Variants in ANKS1B observed in about 807,000 individuals in gnomAD.
ANKS1B encodes the protein ankyrin repeat and sterile alpha motif domain-containing protein 1B.
In ANKS1B, 36 loss-of-function variants were observed where a neutral mutation model predicts 148.3. That is an observed-to-expected ratio of 0.24 (90% CI 0.19 to 0.32). The LOEUF is 0.32. ANKS1B is among the 10% of genes least tolerant of loss of function. ANKS1B has a pLI of 1.00. For missense variants in ANKS1B, 1,157 were observed against 1,542.6 expected (o/e 0.75, Z 4.19); for synonymous variants, 542 against 560.8 (o/e 0.97, Z 0.47).
rs150091239 is a variant in ANKS1B, at chr12:99,641,646, C to T, written c.1272+13421G>A. Among the ~76,000 whole-genome samples, 65 of 152,122 alleles carry T rather than the reference C, an allele frequency of 4.3e-4. 1 individual carries two copies. The highest frequency in any genetic ancestry group is 1.4e-3 in the African/African-American group (60 of 41,518). On this transcript the variant is annotated intron_variant, in intron 9 of 26. Transcript: ENST00000683438. ...TTTTCAATTTGGACAATAATAAATA[C>T]GTTTAGCAGCTCATCCACTCCGTAA...
intron 14 of ANKS1B, among the ~76,000 whole-genome samples, chr12:99,190,711 T>C (rs2080551057): frequency 6.6e-6 from 1 of 152,106 alleles, no homozygotes; most frequent in Admixed American, 6.5e-5. Context: ...GATTAAAAAC[T>C]TAAATGTAAG....
intron 17 of ANKS1B, among the ~76,000 whole-genome samples, chr12:98,918,500 T>C (rs974214226): frequency 6.6e-6 from 1 of 152,252 alleles, no homozygotes; most frequent in African/African-American, 2.4e-5. Context: ...TTCCCTAATG[T>C]TAGATCATTC....
intron 1 of ANKS1B, among the ~76,000 whole-genome samples, chr12:99,950,105 CTCAGT>C (rs1399518206): frequency 7.1e-6 from 1 of 141,454 alleles, no homozygotes; most frequent in Non-Finnish European, 1.5e-5. Flanking sequence ...CGCCATCATG[CTCAGT>C]TAATTTTTTT....
At chr12:99,626,684 G>T (rs921203073) in intron 9 of ANKS1B, among the ~76,000 whole-genome samples, 3 of 152,110 alleles carry the variant, frequency 2.0e-5, no homozygotes, top group African/African-American at 2.4e-5. Context: ...CCATGAGGAG[G>T]CCACAGGGCC....
intron 9 of ANKS1B, among the ~76,000 whole-genome samples, chr12:99,516,875 G>A (rs1485418892): frequency 1.3e-5 from 2 of 152,038 alleles, no homozygotes; most frequent in South Asian, 2.1e-4. Flanking sequence ...TGGTCAATAT[G>A]CCTGTTCTTA....
At chr12:99,206,290 T>C (rs572529810) in intron 14 of ANKS1B, among the ~76,000 whole-genome samples, 16 of 152,292 alleles carry the variant, frequency 1.1e-4, no homozygotes, top group African/African-American at 2.9e-4. Flanking sequence ...TTTTACACTT[T>C]ATTAGGCCCC....
intron 17 of ANKS1B, among the ~76,000 whole-genome samples, chr12:98,865,920 T>C (rs2099621988): frequency 6.6e-6 from 1 of 152,184 alleles, no homozygotes; most frequent in Non-Finnish European, 1.5e-5. Context: ...ATCAAGATGC[T>C]GGCAGATTCG....
intron 1 of ANKS1B, among the ~76,000 whole-genome samples, chr12:99,900,780 T>C (rs2093572794): frequency 6.6e-6 from 1 of 152,204 alleles, no homozygotes; most frequent in South Asian, 2.1e-4. Flanking sequence ...GAGTCCTATA[T>C]ACTTGCTACT....
At chr12:99,806,798 A>C (rs1183964820) in intron 3 of ANKS1B, 98 bp from the exon 4 acceptor site, 1 of 1,120,040 alleles carries the variant, frequency 8.9e-7, no homozygotes, top group Non-Finnish European at 1.3e-6. Context: ...TTTGAAATGT[A>C]AGTTAAGATT....
At chr12:99,975,074 C>A (rs945056387) in intron 1 of ANKS1B, among the ~76,000 whole-genome samples, 2 of 152,018 alleles carry the variant, frequency 1.3e-5, no homozygotes, top group Admixed American at 1.3e-4. Flanking sequence ...TCACTTGACC[C>A]TGGGGGGCAA....
intron 16 of ANKS1B, among the ~76,000 whole-genome samples, chr12:99,058,561 C>T (rs952230878): frequency 1.3e-5 from 2 of 151,964 alleles, no homozygotes; most frequent in Non-Finnish European, 2.9e-5. Flanking sequence ...TATGCTGCCT[C>T]TTTATTAACC....
rs762858073 is a variant in ANKS1B at position 98,773,923 on chromosome 12, C to T, written c.3442-744G>A. Among the ~76,000 whole-genome samples, 11 of 152,166 alleles carry T rather than the reference C, an allele frequency of 7.2e-5. No homozygotes were observed. In the South Asian group the frequency reaches 8.3e-4, roughly 11 times the overall value. ...ACCCAATGAGGCTCTTCAAATCCCT[C>T]GCCATCATGCTTGCACGTTGTTCTT... On this transcript the variant is annotated intron_variant, in intron 24 of 26. Transcript: ENST00000683438.
At chr12:99,024,600 T>C (rs2099947669) in intron 17 of ANKS1B, among the ~76,000 whole-genome samples, 1 of 152,224 alleles carries the variant, frequency 6.6e-6, no homozygotes, top group African/African-American at 2.4e-5. Context: ...TTTGGGATAG[T>C]TTCATTAAAT....
intron 19 of ANKS1B, among the ~76,000 whole-genome samples, chr12:98,821,693 C>A (rs1397847939): frequency 6.6e-6 from 1 of 152,092 alleles, no homozygotes; most frequent in Non-Finnish European, 1.5e-5. Context: ...CTGTGAACTC[C>A]GCCTCCTGGG....
chr12:98,978,569 A>C (rs1412070581), intron 17 of ANKS1B, among the ~76,000 whole-genome samples: 3 of 152,116 alleles, frequency 2.0e-5, no homozygotes, highest in African/African-American at 7.2e-5. Context: ...ATAAAACTTA[A>C]AATAAATTTC....
chr12:99,173,664 C>T (rs917115351), intron 14 of ANKS1B, among the ~76,000 whole-genome samples: 1 of 152,200 alleles, frequency 6.6e-6, no homozygotes, highest in African/African-American at 2.4e-5. Context: ...TTCATAATGA[C>T]CCAAAGTCTG....
intron 10 of ANKS1B, among the ~76,000 whole-genome samples, chr12:99,504,239 ATCT>A (rs1422893165): frequency 4.6e-5 from 7 of 152,174 alleles, no homozygotes; most frequent in Non-Finnish European, 1.0e-4. Flanking sequence ...GTTTCAAAGC[ATCT>A]TCATCAAAGC....
chr12:99,097,248 T>C (rs1435581643), intron 15 of ANKS1B: 1 of 152,218 alleles, frequency 6.6e-6, no homozygotes, highest in African/African-American at 2.4e-5. Context: ...TGATGTGTTT[T>C]TCCCCCCTAA....
At chr12:98,792,938 CA>C (rs1183370719) in intron 22 of ANKS1B, among the ~76,000 whole-genome samples, 1 of 152,152 alleles carries the variant, frequency 6.6e-6, no homozygotes, top group Non-Finnish European at 1.5e-5. Context: ...CATGGAGGTG[CA>C]GATATCAACA....
Sources: gnomAD v4.1 joint callset for allele counts (sites outside exome capture counted in the v4.1 genomes callset) on GRCh38, gnomAD v4.1.1 for gene constraint, MANE v1.5 for transcripts, NCBI Gene and HGNC (gene_info 2026-07-23, HGNC 2026-07-21) for gene names.